The following WAPL variants were observed in gnomAD, a reference collection of about 807,000 sequenced individuals.
WAPL encodes wings apart-like protein homolog.
A neutral mutation model predicts 121.0 loss-of-function variants in WAPL; 5 were observed. That is an observed-to-expected ratio of 0.04 (90% CI 0.02 to 0.09). The LOEUF (loss-of-function observed/expected upper bound fraction) is 0.09. Ranked by LOEUF, WAPL falls within the 10% of genes least tolerant of loss-of-function variation. The probability of loss-of-function intolerance (pLI) is 1.00; values close to 1 mark genes in which losing one functional copy is unlikely to be tolerated. For synonymous variants in WAPL, 480 were observed against 481.5 expected, an observed-to-expected ratio of 1.00 and a Z score of 0.04; for missense variants, 999 against 1,410.8, an observed-to-expected ratio of 0.71 and a Z score of 4.68.
intron 12 of WAPL, among the ~76,000 whole-genome samples, chr10:86,457,045 A>T (rs1267698298): frequency 6.6e-6 from 1 of 152,228 alleles, no homozygotes; most frequent in Non-Finnish European, 1.5e-5. Context: ...GTTATGAAGT[A>T]TACAAAAGAG....
At chr10:86,510,201 A>G (rs1001068629) in intron 2 of WAPL, among the ~76,000 whole-genome samples, 4 of 148,944 alleles carry the variant, frequency 2.7e-5, no homozygotes, top group African/African-American at 1.0e-4. Flanking sequence ...CAGCCTCCTG[A>G]GTACCTGGGA....
chr10:86,499,650 C>T (rs1842208812), intron 3 of WAPL, 68 bp downstream of exon 3: 3 of 1,489,728 alleles, frequency 2.0e-6, no homozygotes, highest in Admixed American at 2.3e-5. Context: ...TAATTGAAAC[C>T]ACAGAAAGTG....
intron 11 of WAPL, 131 bp downstream of exon 11, chr10:86,460,268 T>C: frequency 1.5e-6 from 1 of 689,336 alleles, no homozygotes; most frequent in Non-Finnish European, 2.5e-6. Flanking sequence ...TCAAAAAATG[T>C]ACTGCTATTT....
At chr10:86,451,751 G>A (rs995131478) in intron 15 of WAPL, among the ~76,000 whole-genome samples, 11 of 152,032 alleles carry the variant, frequency 7.2e-5, no homozygotes, top group African/African-American at 2.4e-4. Context: ...CACCCTAGAC[G>A]CTGTGAATAT....
At position 86,472,821 on chromosome 10, in the gene WAPL, T is replaced by C; in HGVS notation, c.1741-57A>G. On this transcript the variant is annotated intron_variant, in intron 5 of 18. Coordinates refer to ENST00000298767, the MANE Select transcript of WAPL (RefSeq NM_015045.5). This position sits in a 1 kb window ranked among gnomAD's most constrained non-coding sequence, Gnocchi z 4.2. Reference sequence around the variant, plus strand: ...AAATAAATATATAAAAATAGGAACGTCTCATCTATCTGGCAAATTCAGCTT... The same window carrying C: ...AAATAAATATATAAAAATAGGAACGCCTCATCTATCTGGCAAATTCAGCTT... 6.8e-7 allele frequency: 1 copy of C among 1,465,248 alleles called. No homozygotes were observed. The highest frequency in any genetic ancestry group is 9.1e-7 in the Non-Finnish European group (1 of 1,099,668). 90.8% of individuals were successfully genotyped at this position (1,465,248 alleles called of 1,614,324 possible).
chr10:86,438,634 G>A (rs1366087141), intron 17 of WAPL, among the ~76,000 whole-genome samples: 1 of 152,202 alleles, frequency 6.6e-6, no homozygotes, highest in Non-Finnish European at 1.5e-5. Flanking sequence ...TGGGGGCCCT[G>A]GGGGAATAGG....
At chr10:86,492,827 C>A (rs1007360568) in intron 4 of WAPL, among the ~76,000 whole-genome samples, 1 of 152,072 alleles carries the variant, frequency 6.6e-6, no homozygotes, top group East Asian at 1.9e-4. Context: ...GAAGCCGAGG[C>A]GAGCAGATCA....
intron 2 of WAPL, among the ~76,000 whole-genome samples, chr10:86,515,559 G>A (rs946523077): frequency 1.3e-5 from 2 of 152,094 alleles, no homozygotes; most frequent in Non-Finnish European, 2.9e-5. Flanking sequence ...TAGATAGGCA[G>A]ATCACTTGAG....
intron 4 of WAPL, among the ~76,000 whole-genome samples, chr10:86,494,845 G>A (rs1382639536): frequency 6.6e-6 from 1 of 152,034 alleles, no homozygotes. Flanking sequence ...TGAGTTTTGG[G>A]GTAGTACTGT....
chr10:86,461,810 A>G (rs892070212), intron 9 of WAPL, among the ~76,000 whole-genome samples: 8 of 152,180 alleles, frequency 5.3e-5, no homozygotes, highest in Admixed American at 2.0e-4. Flanking sequence ...CATATTAACT[A>G]TGTTTCTACT....
chr10:86,463,230 G>A (rs1841329211), intron 9 of WAPL, among the ~76,000 whole-genome samples: 2 of 152,370 alleles, frequency 1.3e-5, no homozygotes, highest in Middle Eastern at 3.4e-3. Context: ...AGTGGAGGTT[G>A]CAGTGAGCTG....
At position 86,453,716 on chromosome 10, in the gene WAPL, C is replaced by T; in HGVS notation, c.2773G>A (p.Ala925Thr). ...HQNVTNHVGK[A>T]VEDCMRAIIG... ...ATGGCCCTCATGCAGTCCTCCACTGCTTTGCCTACATGGTTAGTTACATTC... is the reference window on the plus strand; with the variant it reads ...ATGGCCCTCATGCAGTCCTCCACTGTTTTGCCTACATGGTTAGTTACATTC... Residue 925 changes from alanine (A) to threonine (T), a missense_variant, in exon 13 of 19, where the codon GCA becomes ACA. Ala to Thr is a moderately conservative substitution (Grantham distance 58, BLOSUM62 0). Transcript: ENST00000298767. 1 of 1,614,132 alleles carries T rather than the reference C, an allele frequency of 6.2e-7. No individual in the cohort carries two copies. The highest frequency in any genetic ancestry group is 8.5e-7 in the Non-Finnish European group (1 of 1,180,018).
At chr10:86,461,410 G>A (rs1283643223) in intron 9 of WAPL, 123 bp from the exon 10 acceptor site, 1 of 688,036 alleles carries the variant, frequency 1.5e-6, no homozygotes, top group Non-Finnish European at 2.4e-6. Context: ...ACATAAAATT[G>A]AACTAATTTT....
intron 9 of WAPL, 126 bp from the exon 10 acceptor site, chr10:86,461,413 C>T: frequency 1.5e-6 from 1 of 675,956 alleles, no homozygotes. Flanking sequence ...TAAAATTGAA[C>T]TAATTTTCAA....
intron 4 of WAPL, among the ~76,000 whole-genome samples, chr10:86,475,683 T>C (rs556205451): frequency 6.6e-6 from 1 of 152,346 alleles, no homozygotes; most frequent in South Asian, 2.1e-4. Context: ...TAAAGTGGAC[T>C]GAACATAAAT....
In WAPL at chr10:86,472,119, A is replaced by T; in HGVS notation, c.2030+89T>A. ...ACATACTACCCCATCATAACAAAAT[A>T]AAAAATGTTTGGCTTTTTGGACAAC... On this transcript the variant is annotated intron_variant, in intron 7 of 18. Transcript: ENST00000298767. The surrounding 1 kb of genome is among the most constrained non-coding windows in gnomAD (Gnocchi z 4.2). The T allele has an allele frequency of 7.6e-7, 1 of 1,308,598 alleles. No homozygotes were observed. The highest frequency in any genetic ancestry group is 2.5e-5 in the East Asian group (1 of 39,780). The allele number at this position is 1,308,598 out of a possible 1,614,324, so 81.1% of individuals were successfully genotyped here.
At position 86,507,268 on chromosome 10, in the gene WAPL, T is replaced by C. The variant is rs528450168; in HGVS notation, c.500-6525A>G. ...CTATAATCCCAGCTACTCGGGAGGA[T>C]GAGGCAGGAGAATCGCTTGAACCCG... On this transcript the variant is annotated intron_variant, in intron 2 of 18. Transcript: ENST00000298767. Among the ~76,000 whole-genome samples the C allele has an allele frequency of 8.5e-5, 12 of 140,508 alleles. No homozygotes were observed. The East Asian group carries it at 2.5e-3, about 29-fold the overall frequency. 92.2% of individuals were successfully genotyped at this position (140,508 alleles called of 152,430 possible).
Position 86,500,205 on chromosome 10 carries a change from G to C in WAPL, c.1038C>G (p.Thr346=), listed in dbSNP as rs1842220980. 2.5e-6 allele frequency: 4 copies of C among 1,614,112 alleles called. No individual in the cohort carries two copies. Among genetic ancestry groups the C allele is most frequent in the Non-Finnish European group, 3.4e-6 (4 of 1,180,016 alleles). Residue 346 remains threonine, a synonymous_variant, in exon 3 of 19, where the codon ACC becomes ACG. Coordinates refer to ENST00000298767, the MANE Select transcript of WAPL (RefSeq NM_015045.5). The part of the protein sequence containing the change: ...QAKKGGVSCG[T]SFRGTVGRTR... Reference sequence around the variant, plus strand: ...TCCGTCCAACTGTCCCTCTAAAACTGGTCCCACAACTTACACCCCCTTTCT... The same window carrying C: ...TCCGTCCAACTGTCCCTCTAAAACTCGTCCCACAACTTACACCCCCTTTCT...
rs374548952 is a variant in WAPL at position 86,453,714 on chromosome 10, T to C, written c.2775A>G (p.Ala925=). 7 of 1,614,108 alleles carry C rather than the reference T, an allele frequency of 4.3e-6. No homozygotes were observed. The highest frequency in any genetic ancestry group is 5.9e-6 in the Non-Finnish European group (7 of 1,180,000). The part of the protein sequence containing the change: ...HQNVTNHVGK[A]VEDCMRAIIG... ...TGATGGCCCTCATGCAGTCCTCCACTGCTTTGCCTACATGGTTAGTTACAT... is the reference window on the plus strand; with the variant it reads ...TGATGGCCCTCATGCAGTCCTCCACCGCTTTGCCTACATGGTTAGTTACAT... The change falls in exon 13 of 19, where the codon GCA becomes GCG. Residue 925 remains alanine, a synonymous_variant. Transcript: ENST00000298767.
Sources: gnomAD v4.1 joint callset for allele counts (sites outside exome capture counted in the v4.1 genomes callset) on GRCh38, gnomAD v4.1.1 for gene constraint, Gnocchi (gnomAD v3.1) non-coding constraint, MANE v1.5 for transcripts, NCBI Gene and HGNC (gene_info 2026-07-23, HGNC 2026-07-21) for gene names.